The following OSTM1 variants were observed in gnomAD, a reference collection of about 807,000 sequenced individuals.
OSTM1 encodes the protein osteopetrosis-associated transmembrane protein 1.
A neutral mutation model predicts 35.4 loss-of-function variants in OSTM1; 26 were observed. The ratio of observed to expected loss-of-function variants is 0.73; its 90% CI spans 0.54 to 1.02. The LOEUF is 1.02. OSTM1 is among the 50% of genes least tolerant of loss of function. OSTM1 has a pLI of 0.00. For missense variants in OSTM1, 366 were observed against 409.6 expected, an observed-to-expected ratio of 0.89 and a Z score of 0.92; for synonymous variants, 181 against 165.0, an observed-to-expected ratio of 1.10 and a Z score of -0.75.
intron 3 of OSTM1, among the ~76,000 whole-genome samples, chr6:108,051,914 C>T (rs944405723): frequency 3.9e-5 from 6 of 152,196 alleles, no homozygotes; most frequent in African/African-American, 1.4e-4. Flanking sequence ...CAGTTCACAC[C>T]TTTGCTTTCT....
chr6:108,052,945 G>A (rs958816158), intron 3 of OSTM1, among the ~76,000 whole-genome samples: 1 of 152,180 alleles, frequency 6.6e-6, no homozygotes, highest in Non-Finnish European at 1.5e-5. Flanking sequence ...ACTTGGCTTT[G>A]AGCCTCAGGA....
chr6:108,055,921 C>G (rs1306397011), intron 2 of OSTM1, among the ~76,000 whole-genome samples: 1 of 152,118 alleles, frequency 6.6e-6, no homozygotes, highest in African/African-American at 2.4e-5. Context: ...TTATGCCCAC[C>G]TTATTTAGAA....
intron 2 of OSTM1, among the ~76,000 whole-genome samples, chr6:108,062,502 A>G (rs1383827234): frequency 6.6e-6 from 1 of 151,962 alleles, no homozygotes; most frequent in Non-Finnish European, 1.5e-5. Flanking sequence ...CTATATAATC[A>G]TAATAGGAGA....
intron 2 of OSTM1, among the ~76,000 whole-genome samples, chr6:108,062,938 C>T (rs1481182686): frequency 6.6e-6 from 1 of 152,114 alleles, no homozygotes; most frequent in Non-Finnish European, 1.5e-5. Flanking sequence ...CTAACTTTAC[C>T]TCCCACTATG....
intron 2 of OSTM1, among the ~76,000 whole-genome samples, chr6:108,056,817 A>G (rs960838346): frequency 5.9e-5 from 9 of 152,220 alleles, no homozygotes; most frequent in African/African-American, 1.9e-4. Flanking sequence ...TCTTCTCCAG[A>G]ACATGAATCT....
chr6:108,072,968 C>A (rs1354277200), intron 1 of OSTM1, among the ~76,000 whole-genome samples: 1 of 152,090 alleles, frequency 6.6e-6, no homozygotes, highest in Non-Finnish European at 1.5e-5. Flanking sequence ...GCCACCACGC[C>A]CGGATAATTT....
chr6:108,065,056 A>G (rs1772352467), intron 1 of OSTM1, among the ~76,000 whole-genome samples: 1 of 151,326 alleles, frequency 6.6e-6, no homozygotes, highest in Non-Finnish European at 1.5e-5. Context: ...ACGGGGTTTC[A>G]CTATGTTGGC....
chr6:108,050,116 T>G (rs1772050258), intron 4 of OSTM1, among the ~76,000 whole-genome samples: 1 of 152,170 alleles, frequency 6.6e-6, no homozygotes, highest in African/African-American at 2.4e-5. Flanking sequence ...ACCATTCAAT[T>G]AATACATGTT....
intron 2 of OSTM1, among the ~76,000 whole-genome samples, chr6:108,057,364 T>G (rs543157747): frequency 3.3e-5 from 5 of 152,302 alleles, no homozygotes; most frequent in African/African-American, 1.2e-4. Context: ...ATTATATAGT[T>G]TTTGTAGTTG....
chr6:108,064,141 C>T (rs1400107499), intron 2 of OSTM1, 44 bp downstream of exon 2: 6 of 961,146 alleles, frequency 6.2e-6, no homozygotes, highest in African/African-American at 1.6e-5. Flanking sequence ...GACATCTGTA[C>T]TACTGAACCA....
chr6:108,048,446 GAGAA>G lies in OSTM1; in HGVS notation c.949+803_949+806del, dbSNP rs1772016979. Reference sequence around the variant, plus strand: ...CTTTTGCTCTGGCCTATTTCATAGGGAGAAAGAAAGGGAATTAATATGTATTGAG... The same window carrying G: ...CTTTTGCTCTGGCCTATTTCATAGGGAGAAAGGGAATTAATATGTATTGAG... On this transcript the variant is annotated intron_variant, in intron 5 of 5. Coordinates refer to ENST00000193322, the MANE Select transcript of OSTM1 (RefSeq NM_014028.4). Among the ~76,000 whole-genome samples the G allele has an allele frequency of 2.0e-5, 3 of 152,288 alleles. No individual in the cohort carries two copies. In the South Asian group the frequency reaches 6.2e-4, roughly 32 times the overall value.
Position 108,074,326 on chromosome 6 carries a change from A to G in OSTM1, c.326T>C (p.Val109Ala). The change falls in exon 1 of 6, where the codon GTG (valine) becomes GCG (alanine). Residue 109 changes from valine (V) to alanine (A), a missense_variant. By Grantham distance (64) the Val-to-Ala change is moderately conservative. This residue lies in a region of OSTM1 where 236 missense variants were observed against 239.3 expected (regional missense o/e 0.99). Transcript: ENST00000193322. ...TGCLVRSARPVRLCQTCYPLF... is the reference protein window; with the variant it reads ...TGCLVRSARPARLCQTCYPLF... ...GGGGTAGCAGGTCTGACAGAGGCGC[A>G]CGGGCCGGGCGCTGCGCACCAGACA... 1 of 1,611,624 alleles carries G rather than the reference A, an allele frequency of 6.2e-7. No homozygotes were observed. Among genetic ancestry groups the G allele is most frequent in the Middle Eastern group, 1.7e-4 (1 of 6,060 alleles).
At chr6:108,063,825 G>C (rs1035557414) in intron 2 of OSTM1, among the ~76,000 whole-genome samples, 2 of 152,090 alleles carry the variant, frequency 1.3e-5, no homozygotes, top group Non-Finnish European at 2.9e-5. Flanking sequence ...CATTCTCAAG[G>C]CGACTATATA....
At chr6:108,047,090 T>C (rs773798293) in intron 5 of OSTM1, among the ~76,000 whole-genome samples, 18 of 152,252 alleles carry the variant, frequency 1.2e-4, no homozygotes, top group Non-Finnish European at 1.9e-4. Flanking sequence ...ATGAAAAAGA[T>C]GATTTAAATA....
At position 108,074,227 on chromosome 6, in the gene OSTM1, C is replaced by A. The variant is rs1402544749; in HGVS notation, c.402+23G>T. The A allele has an allele frequency of 6.2e-6, 10 of 1,610,200 alleles. No homozygotes were observed. In the East Asian group the frequency reaches 1.3e-4, roughly 22 times the overall value. ...TTTCCCAACTCTCCTGAGCCACAGT[C>A]CCGGACGTGGTCCTGTACCCACCCC... On this transcript the variant is annotated intron_variant, in intron 1 of 5. Transcript: ENST00000193322.
At chr6:108,061,646 C>G (rs1283878817) in intron 2 of OSTM1, among the ~76,000 whole-genome samples, 2 of 152,118 alleles carry the variant, frequency 1.3e-5, no homozygotes, top group African/African-American at 4.8e-5. Context: ...TTACCTCAGC[C>G]TCCCAGGCAG....
intron 2 of OSTM1, among the ~76,000 whole-genome samples, chr6:108,063,681 C>T (rs1318880040): frequency 2.0e-5 from 3 of 152,164 alleles, no homozygotes; most frequent in South Asian, 2.1e-4. Context: ...CATCCCACCC[C>T]GCCGCCTGCC....
Position 108,074,426 on chromosome 6 carries a change from C to A in OSTM1, c.226G>T (p.Asp76Tyr). 6.4e-7 allele frequency: 1 copy of A among 1,561,926 alleles called. No individual in the cohort carries two copies. The highest frequency in any genetic ancestry group is 8.7e-7 in the Non-Finnish European group (1 of 1,153,178). Residue 76 changes from aspartate to tyrosine, a missense_variant, in exon 1 of 6, where the codon GAC becomes TAC. This residue lies in a region of OSTM1 where 236 missense variants were observed against 239.3 expected (regional missense o/e 0.99). Coordinates refer to ENST00000193322, the MANE Select transcript of OSTM1 (RefSeq NM_014028.4). ...CACTCAGGATCCAGATCCGGCAGGT[C>A]CGGGGGCAGCGACAGAGGCCCCAGC... ...GGLGPLSLPP[D>Y]LPDLDPECRE...
chr6:108,066,374 C>CAT (rs1772376298), intron 1 of OSTM1, among the ~76,000 whole-genome samples: 18 of 151,772 alleles, frequency 1.2e-4, no homozygotes, highest in Admixed American at 1.2e-3. Context: ...AATGTTCCAA[C>CAT]TTCCTTATTT....
Sources: gnomAD v4.1 joint callset for allele counts (sites outside exome capture counted in the v4.1 genomes callset) on GRCh38, gnomAD v4.1.1 for gene constraint, gnomAD v4.1.1 regional missense constraint, MANE v1.5 for transcripts, NCBI Gene and HGNC (gene_info 2026-07-23, HGNC 2026-07-21) for gene names.